CFAP20DC: variants seen among roughly 807,000 people sequenced by gnomAD.
CFAP20DC encodes CFAP20 domain containing, also known as protein CFAP20DC.
CFAP20DC carries 84 observed loss-of-function variants against 101.7 expected under a neutral mutation model. The observed-to-expected ratio is 0.83, with a 90% confidence interval of 0.69 to 0.99. CFAP20DC has a LOEUF of 0.99. Ranked by LOEUF, CFAP20DC falls within the 50% of genes least tolerant of loss-of-function variation. The pLI is 0.00. For missense variants in CFAP20DC, 1,007 were observed against 970.3 expected, an observed-to-expected ratio of 1.04 and a Z score of -0.50; for synonymous variants, 359 against 351.2, an observed-to-expected ratio of 1.02 and a Z score of -0.25.
At chr3:58,881,873 A>ATT (rs1466640044) in intron 7 of CFAP20DC, among the ~76,000 whole-genome samples, 2 of 152,184 alleles carry the variant, frequency 1.3e-5, no homozygotes, top group East Asian at 3.8e-4. Context: ...GTCCTTGGGC[A>ATT]TTATTCATTA....
At chr3:59,035,957 T>C (rs2094094242) in intron 4 of CFAP20DC, among the ~76,000 whole-genome samples, 2 of 152,114 alleles carry the variant, frequency 1.3e-5, no homozygotes, top group African/African-American at 4.8e-5. Flanking sequence ...TCCACCACAA[T>C]CAAGTTGGCT....
chr3:58,814,266 T>C (rs1438044296), intron 14 of CFAP20DC, among the ~76,000 whole-genome samples: 2 of 151,852 alleles, frequency 1.3e-5, no homozygotes, highest in Non-Finnish European at 2.9e-5. Context: ...AAAATAGAAG[T>C]GGTTACAGAA....
At chr3:58,866,475 T>C in intron 11 of CFAP20DC, 91 bp downstream of exon 11, 2 of 1,106,690 alleles carry the variant, frequency 1.8e-6, no homozygotes, top group Non-Finnish European at 2.5e-6. Flanking sequence ...ATCGGCTGCA[T>C]CACCACTTTT....
rs570377705 is a variant in CFAP20DC, at chr3:58,930,942, G to A, written c.393+6706C>T. 6.6e-5 allele frequency among the ~76,000 whole-genome samples: 10 copies of A among 152,304 alleles called. No individual in the cohort carries two copies. In the East Asian group the frequency reaches 1.7e-3, roughly 27 times the overall value. ...CGCAGGACAGTGGGTGCAGCGCACT[G>A]TGAGCGAGCCGAAGCAGGGCGAGGC... On this transcript the variant is annotated intron_variant, in intron 5 of 16. Coordinates refer to ENST00000482387, the MANE Select transcript of CFAP20DC (RefSeq NM_001394063.1).
At chr3:58,958,894 C>T (rs1220469573) in intron 4 of CFAP20DC, among the ~76,000 whole-genome samples, 2 of 151,814 alleles carry the variant, frequency 1.3e-5, no homozygotes, top group East Asian at 3.9e-4. Flanking sequence ...CAAATATTTT[C>T]ACCAGTCTGT....
chr3:58,831,755 C>T lies in CFAP20DC; in HGVS notation c.2106G>A (p.Val702=), dbSNP rs2076408527. ...GTSHGLSASQ[V]DNCNVSISTS... ...TACTTATGCTGACATTACAGTTGTC[C>T]ACCTGGGAGGCACTCAGGCCATGGG... Residue 702 remains valine, a synonymous_variant, in exon 14 of 17, where the codon GTG becomes GTA. Transcript: ENST00000482387. The T allele has an allele frequency of 1.2e-6, 2 of 1,614,076 alleles. No individual in the cohort carries two copies. Among genetic ancestry groups the T allele is most frequent in the South Asian group, 1.1e-5 (1 of 91,086 alleles).
At chr3:59,027,743 C>A (rs1433392488) in intron 4 of CFAP20DC, among the ~76,000 whole-genome samples, 2 of 152,190 alleles carry the variant, frequency 1.3e-5, no homozygotes, top group African/African-American at 4.8e-5. Context: ...TTTCTAAGAG[C>A]TCATGTTTGT....
chr3:58,782,970 A>C (rs1243764898), intron 15 of CFAP20DC, among the ~76,000 whole-genome samples: 1 of 151,880 alleles, frequency 6.6e-6, no homozygotes, highest in Non-Finnish European at 1.5e-5. Flanking sequence ...TGAGCAAAAA[A>C]CAAAACAAAA....
chr3:59,028,537 C>A (rs1426848249), intron 4 of CFAP20DC, among the ~76,000 whole-genome samples: 1 of 152,188 alleles, frequency 6.6e-6, no homozygotes, highest in African/African-American at 2.4e-5. Context: ...TATATATCTA[C>A]TACTTATGCA....
At position 58,892,795 on chromosome 3, in the gene CFAP20DC, C is replaced by T. The variant is rs1051401227; in HGVS notation, c.551-8086G>A. Reference sequence around the variant, plus strand: ...ATCTGCAAAAAGGTAATTTGACTTCCTCTCTTCCTATTTGAATACTCTTTA... The same window carrying T: ...ATCTGCAAAAAGGTAATTTGACTTCTTCTCTTCCTATTTGAATACTCTTTA... On this transcript the variant is annotated intron_variant, in intron 6 of 16. Coordinates refer to ENST00000482387, the MANE Select transcript of CFAP20DC (RefSeq NM_001394063.1). The surrounding 1 kb of genome is among the most constrained non-coding windows in gnomAD (Gnocchi z 4.0). Among the ~76,000 whole-genome samples the T allele has an allele frequency of 2.0e-5, 3 of 152,196 alleles. No individual in the cohort carries two copies. The highest frequency in any genetic ancestry group is 4.4e-5 in the Non-Finnish European group (3 of 68,042).
chr3:58,806,215 G>C (rs979513585), intron 15 of CFAP20DC, among the ~76,000 whole-genome samples, 180 bp downstream of exon 15: 6 of 152,128 alleles, frequency 3.9e-5, no homozygotes, highest in African/African-American at 1.4e-4. Context: ...TTTAAACCTA[G>C]GTAGACTGTT....
chr3:59,011,906 T>C (rs570593339), intron 4 of CFAP20DC, among the ~76,000 whole-genome samples: 25 of 152,304 alleles, frequency 1.6e-4, no homozygotes, highest in African/African-American at 5.3e-4. Flanking sequence ...AAATAATTAA[T>C]TATGAATAAT....
intron 4 of CFAP20DC, among the ~76,000 whole-genome samples, chr3:58,996,756 A>C (rs1483393231): frequency 6.6e-6 from 1 of 152,228 alleles, no homozygotes; most frequent in Non-Finnish European, 1.5e-5. Flanking sequence ...GAGAGTGCTG[A>C]TTTATATTGT....
chr3:58,953,730 G>A (rs1447338037), intron 4 of CFAP20DC: 1 of 151,948 alleles, frequency 6.6e-6, no homozygotes, highest in Non-Finnish European at 1.5e-5. Flanking sequence ...GCTTTTTTGG[G>A]GGCAATTTAG....
intron 15 of CFAP20DC, among the ~76,000 whole-genome samples, chr3:58,771,147 A>G (rs1190538524): frequency 6.6e-6 from 1 of 152,132 alleles, no homozygotes; most frequent in Non-Finnish European, 1.5e-5. Context: ...AAACTATCAC[A>G]AGATCACGAA....
At chr3:59,033,867 T>C (rs2094043565) in intron 4 of CFAP20DC, among the ~76,000 whole-genome samples, 1 of 152,140 alleles carries the variant, frequency 6.6e-6, no homozygotes, top group Non-Finnish European at 1.5e-5. Flanking sequence ...AAGATATTCC[T>C]TGAGAAGAGC....
At chr3:58,753,373 G>A (rs1265880670) in intron 16 of CFAP20DC, among the ~76,000 whole-genome samples, 5 of 152,120 alleles carry the variant, frequency 3.3e-5, no homozygotes, top group Non-Finnish European at 7.4e-5. Context: ...GCACCTCATT[G>A]AATCTTCACA....
At chr3:58,815,394 C>A (rs2107829903) in intron 14 of CFAP20DC, among the ~76,000 whole-genome samples, 1 of 147,456 alleles carries the variant, frequency 6.8e-6, no homozygotes, top group East Asian at 2.0e-4. Context: ...AGACCTAAAA[C>A]CATAAAAACC....
At chr3:59,017,065 C>A (rs1462157168) in intron 4 of CFAP20DC, 1 of 152,120 alleles carries the variant, frequency 6.6e-6, no homozygotes, top group Non-Finnish European at 1.5e-5. Flanking sequence ...ACTCTGGAGT[C>A]TCTTCCTGAC....
Sources: gnomAD v4.1 joint callset for allele counts (sites outside exome capture counted in the v4.1 genomes callset) on GRCh38, gnomAD v4.1.1 for gene constraint, Gnocchi (gnomAD v3.1) non-coding constraint, MANE v1.5 for transcripts, NCBI Gene and HGNC (gene_info 2026-07-23, HGNC 2026-07-21) for gene names.